QSER1: variants seen among roughly 807,000 people sequenced by gnomAD.
QSER1 encodes glutamine and serine-rich protein 1.
A neutral mutation model predicts 158.5 loss-of-function variants in QSER1; 49 were observed. The observed-to-expected ratio is 0.31, with a 90% CI of 0.25 to 0.39. QSER1 has a LOEUF of 0.39. QSER1 is among the 10% of genes least tolerant of loss of function. The pLI is 1.00. For synonymous variants in QSER1, 650 were observed against 715.5 expected (o/e 0.91, Z 1.46); for missense variants, 1,754 against 2,010.3 (o/e 0.87, Z 2.44).
chr11:32,904,225 C>T (rs1477478179), intron 1 of QSER1, among the ~76,000 whole-genome samples: 1 of 147,086 alleles, frequency 6.8e-6, no homozygotes, highest in Non-Finnish European at 1.5e-5. Flanking sequence ...CAGAGTCTTG[C>T]TATGTCACCC....
Position 32,957,922 on chromosome 11 carries a change from C to CA in QSER1, c.4810dup (p.Thr1604AsnfsTer14). 6.2e-7 allele frequency: 1 copy of CA among 1,614,110 alleles called. No individual in the cohort carries two copies. The highest frequency in any genetic ancestry group is 8.5e-7 in the Non-Finnish European group (1 of 1,179,998). On this transcript the variant is annotated frameshift_variant, in exon 8 of 13. Transcript: ENST00000650167. LOFTEE classifies it high-confidence loss of function. ...AGTAAAACTTCTGATCCTCTAGCAT[C>CA]AAAAACTACAACTACAAAAGCCCCT...
At chr11:32,937,164 CCTT>C (rs1852164258) in intron 4 of QSER1, among the ~76,000 whole-genome samples, 1 of 152,204 alleles carries the variant, frequency 6.6e-6, no homozygotes, top group African/African-American at 2.4e-5. Context: ...TAAACCCGAT[CCTT>C]ACTATTAGGT....
rs779189081 is a variant in QSER1, at chr11:32,933,043, A to G, written c.1785A>G (p.Leu595=). Residue 595 remains leucine, a synonymous_variant, in exon 4 of 13, where the codon CTA becomes CTG. Coordinates refer to ENST00000650167, the MANE Select transcript of QSER1 (RefSeq NM_001076786.3). ...AAAGCTATGCTTCAGGGGAGTCCCT[A>G]ACATTAACAGCCCCTTCTCTTTCTT... is the stretch of plus-strand genomic sequence containing the variant. The part of the protein sequence containing the change: ...LSESYASGES[L]TLTAPSLSYS... 4.3e-6 allele frequency: 7 copies of G among 1,613,074 alleles called. No individual in the cohort carries two copies. Among genetic ancestry groups the G allele is most frequent in the Non-Finnish European group, 5.9e-6 (7 of 1,179,998 alleles).
intron 2 of QSER1, among the ~76,000 whole-genome samples, 159 bp downstream of exon 2, chr11:32,927,428 C>T (rs985589763): frequency 2.0e-5 from 3 of 152,086 alleles, no homozygotes; most frequent in Non-Finnish European, 4.4e-5. Flanking sequence ...TTATTTTTGA[C>T]ATGGAGTCTC....
At chr11:32,964,769 C>CAT (rs58412215) in intron 8 of QSER1, among the ~76,000 whole-genome samples, 3,530 of 127,192 alleles carry the variant, frequency 0.028, 167 homozygotes, top group Non-Finnish European at 0.042. Flanking sequence ...CACACACACA[C>CAT]ACACACACAC....
chr11:32,904,822 T>C (rs574657449), intron 1 of QSER1, among the ~76,000 whole-genome samples: 2 of 152,254 alleles, frequency 1.3e-5, no homozygotes, highest in African/African-American at 4.8e-5. Context: ...TGCACCCCCA[T>C]CACCATCAAC....
chr11:32,923,662 A>G (rs1851927535), intron 1 of QSER1, among the ~76,000 whole-genome samples: 1 of 112,084 alleles, frequency 8.9e-6, no homozygotes, highest in South Asian at 3.7e-4. Flanking sequence ...TGGGCAACAG[A>G]GTGAGACTCT....
At chr11:32,901,842 G>C (rs539358240) in intron 1 of QSER1, among the ~76,000 whole-genome samples, 30 of 152,308 alleles carry the variant, frequency 2.0e-4, no homozygotes, top group African/African-American at 6.7e-4. Flanking sequence ...CCAGCACTTT[G>C]GGATGCTGAG....
intron 4 of QSER1, among the ~76,000 whole-genome samples, chr11:32,943,545 T>G (rs1194280737): frequency 2.7e-5 from 4 of 150,514 alleles, no homozygotes; most frequent in South Asian, 2.1e-4. Flanking sequence ...TTTATTGATT[T>G]GCGTATATTG....
rs1340952097 is a variant in QSER1, at chr11:32,969,099, C to T, written c.5161C>T (p.Arg1721Ter). Residue 1721 changes from arginine (R) to a stop codon, truncating the protein, a stop_gained, in exon 10 of 13, where the codon CGA becomes TGA. Transcript: ENST00000650167. LOFTEE classifies it high-confidence loss of function. Reference protein sequence around the residue: ...KKIDGMLNDNRKRLLLNLHLD... With the variant: ...KKIDGMLNDN ...AATAGATGGCATGCTAAATGATAAC[C>T]GAAAGAGACTTCTTTTGAATCTTCA... 1.9e-6 allele frequency: 3 copies of T among 1,596,896 alleles called. No individual in the cohort carries two copies. The highest frequency in any genetic ancestry group is 2.6e-6 in the Non-Finnish European group (3 of 1,172,818).
intron 9 of QSER1, 112 bp from the exon 10 acceptor site, chr11:32,968,934 T>C: frequency 1.7e-6 from 1 of 600,666 alleles, no homozygotes; most frequent in Non-Finnish European, 2.8e-6. Context: ...GTATTTTACA[T>C]ATGCCAATGA....
intron 8 of QSER1, among the ~76,000 whole-genome samples, chr11:32,960,809 T>C (rs1191591028): frequency 6.6e-6 from 1 of 152,218 alleles, no homozygotes; most frequent in Non-Finnish European, 1.5e-5. Flanking sequence ...TAGGCCTTTT[T>C]GTTCCTTGCT....
intron 9 of QSER1, among the ~76,000 whole-genome samples, chr11:32,968,055 T>C (rs368552386): frequency 6.6e-6 from 1 of 152,330 alleles, no homozygotes; most frequent in East Asian, 1.9e-4. Context: ...CATTTCTGTA[T>C]AGTTGTATTT....
chr11:32,901,500 A>T (rs1851624813), intron 1 of QSER1, among the ~76,000 whole-genome samples: 2 of 152,322 alleles, frequency 1.3e-5, no homozygotes, highest in South Asian at 2.1e-4. Flanking sequence ...ATAGTGGAAT[A>T]AGGGATTAGT....
chr11:32,925,176 ATGT>A, intron 1 of QSER1, among the ~76,000 whole-genome samples: 1 of 152,330 alleles, frequency 6.6e-6, no homozygotes, highest in South Asian at 2.1e-4. Flanking sequence ...ATTGTGAATA[ATGT>A]TGCAATGAAC....
chr11:32,967,681 G>T (rs1852775890), intron 9 of QSER1, among the ~76,000 whole-genome samples: 1 of 152,134 alleles, frequency 6.6e-6, no homozygotes, highest in Non-Finnish European at 1.5e-5. Flanking sequence ...CAGCCATTTT[G>T]TGGATTAAGA....
intron 10 of QSER1, among the ~76,000 whole-genome samples, chr11:32,972,042 G>A (rs1183153964): frequency 6.9e-6 from 1 of 144,940 alleles, no homozygotes; most frequent in Non-Finnish European, 1.5e-5. Flanking sequence ...TAGCCTGGAT[G>A]ACAGAGCAAG....
chr11:32,917,639 A>G (rs765332307), intron 1 of QSER1, among the ~76,000 whole-genome samples: 15 of 151,974 alleles, frequency 9.9e-5, no homozygotes, highest in African/African-American at 1.7e-4. Context: ...CAGCCTAGCC[A>G]ACATGGTGAA....
intron 4 of QSER1, among the ~76,000 whole-genome samples, chr11:32,946,550 G>T (rs924525274): frequency 1.3e-5 from 2 of 152,240 alleles, no homozygotes; most frequent in Non-Finnish European, 2.9e-5. Context: ...AGGCTGCTCG[G>T]GGTTCAGTGA....
Sources: gnomAD v4.1 joint callset for allele counts (sites outside exome capture counted in the v4.1 genomes callset) on GRCh38, gnomAD v4.1.1 for gene constraint, MANE v1.5 for transcripts, NCBI Gene and HGNC (gene_info 2026-07-23, HGNC 2026-07-21) for gene names.